Variants in MRPS28 observed in about 807,000 individuals in gnomAD.
MRPS28 encodes the protein mitochondrial ribosomal protein S28, also known as small ribosomal subunit protein bS1m.
Under a neutral mutation model 10.8 loss-of-function variants are expected in MRPS28, and 7 were observed. That is an observed-to-expected ratio of 0.65 (90% confidence interval 0.37 to 1.22). The LOEUF (loss-of-function observed/expected upper bound fraction) is 1.22, where lower values mean the gene tolerates loss of function less well. MRPS28 is among the 50% of genes most tolerant of loss of function. The probability of loss-of-function intolerance (pLI) is 0.02; values close to 1 mark genes in which losing one functional copy is unlikely to be tolerated. For synonymous variants in MRPS28, 121 were observed against 93.3 expected (o/e 1.30, Z -1.71); for missense variants, 265 against 232.9 (o/e 1.14, Z -0.90).
chr8:80,008,268 T>G (rs1425833853), intron 1 of MRPS28, among the ~76,000 whole-genome samples: 1 of 152,146 alleles, frequency 6.6e-6, no homozygotes, highest in Non-Finnish European at 1.5e-5. Context: ...ATACAAAAAT[T>G]AATTCAAGAT....
intron 1 of MRPS28, among the ~76,000 whole-genome samples, chr8:80,009,043 A>G (rs889854538): frequency 2.0e-5 from 3 of 152,368 alleles, no homozygotes; most frequent in Middle Eastern, 3.4e-3. Flanking sequence ...CATCAGTGAT[A>G]GACTGGATTA....
intron 2 of MRPS28, among the ~76,000 whole-genome samples, chr8:79,999,606 A>T (rs747574727): frequency 6.6e-6 from 1 of 152,232 alleles, no homozygotes; most frequent in African/African-American, 2.4e-5. Context: ...TAAAAACTGG[A>T]GAACATGAAA....
intron 2 of MRPS28, among the ~76,000 whole-genome samples, chr8:79,989,176 T>A (rs1233832082): frequency 6.6e-6 from 1 of 152,066 alleles, no homozygotes; most frequent in Non-Finnish European, 1.5e-5. Flanking sequence ...AAAAGTACAA[T>A]AGTTTTAAGG....
At chr8:79,930,829 CAATT>C (rs1330213002) in intron 2 of MRPS28, among the ~76,000 whole-genome samples, 1 of 152,148 alleles carries the variant, frequency 6.6e-6, no homozygotes, top group Admixed American at 6.5e-5. Flanking sequence ...TAAATATCAT[CAATT>C]GTCAAATATC....
intron 2 of MRPS28, among the ~76,000 whole-genome samples, chr8:79,948,392 T>C (rs1243237762): frequency 1.3e-5 from 2 of 152,372 alleles, no homozygotes; most frequent in Middle Eastern, 3.4e-3. Context: ...TTAGTTCTAA[T>C]AAGTTTTTGC....
At chr8:79,995,614 C>T (rs935068646) in intron 2 of MRPS28, among the ~76,000 whole-genome samples, 2 of 152,096 alleles carry the variant, frequency 1.3e-5, no homozygotes, top group Non-Finnish European at 2.9e-5. Context: ...AACAGGGAGT[C>T]GACATAGGCA....
intron 2 of MRPS28, among the ~76,000 whole-genome samples, chr8:79,997,626 AC>A (rs1808537221): frequency 6.6e-6 from 1 of 152,022 alleles, no homozygotes; most frequent in African/African-American, 2.4e-5. Context: ...AAAAAAAAAA[AC>A]CAAAGTTTTC....
chr8:79,973,938 A>G (rs907261265), intron 2 of MRPS28, among the ~76,000 whole-genome samples: 1 of 151,996 alleles, frequency 6.6e-6, no homozygotes, highest in Non-Finnish European at 1.5e-5. Context: ...TTTTTTAGAG[A>G]TAAGGGTCTT....
chr8:79,984,341 C>T (rs1235103107), intron 2 of MRPS28, among the ~76,000 whole-genome samples: 4 of 152,170 alleles, frequency 2.6e-5, no homozygotes, highest in African/African-American at 9.7e-5. Context: ...TAAAGACCAT[C>T]GAGGCTAGGA....
At chr8:79,956,877 A>G (rs988865071) in intron 2 of MRPS28, 2 of 152,174 alleles carry the variant, frequency 1.3e-5, no homozygotes, top group Non-Finnish European at 2.9e-5. Context: ...GGGTGACTAT[A>G]TATTAATGAG....
chr8:79,930,330 T>C (rs963469265), intron 2 of MRPS28, among the ~76,000 whole-genome samples: 2 of 152,252 alleles, frequency 1.3e-5, no homozygotes, highest in African/African-American at 2.4e-5. Context: ...TACTGTTTTC[T>C]GTTCCCGTGT....
intron 2 of MRPS28, among the ~76,000 whole-genome samples, chr8:79,938,676 G>A (rs973620079): frequency 2.6e-5 from 4 of 152,092 alleles, no homozygotes; most frequent in Non-Finnish European, 5.9e-5. Flanking sequence ...CAAGGTTAGA[G>A]CCAAACCAAA....
intron 2 of MRPS28, among the ~76,000 whole-genome samples, chr8:79,933,749 A>C (rs1251816575): frequency 1.3e-5 from 2 of 152,186 alleles, no homozygotes; most frequent in Non-Finnish European, 2.9e-5. Flanking sequence ...AACAGCTGAA[A>C]TTTATGTTAA....
intron 1 of MRPS28, among the ~76,000 whole-genome samples, chr8:80,011,757 A>C (rs1190646179): frequency 6.6e-6 from 1 of 152,140 alleles, no homozygotes; most frequent in East Asian, 1.9e-4. Context: ...TCAAAAAAAA[A>C]CAACAAAAAA....
chr8:79,963,513 C>T (rs1438250410), intron 2 of MRPS28, among the ~76,000 whole-genome samples: 1 of 152,048 alleles, frequency 6.6e-6, no homozygotes, highest in Non-Finnish European at 1.5e-5. Context: ...TGCATTTAGC[C>T]TATGATTACC....
intron 2 of MRPS28, among the ~76,000 whole-genome samples, chr8:79,923,593 T>C (rs1810152192): frequency 6.6e-6 from 1 of 152,208 alleles, no homozygotes; most frequent in Non-Finnish European, 1.5e-5. Context: ...AGAAATCTTG[T>C]ATTTCCTATT....
chr8:79,984,307 C>G (rs1324357985), intron 2 of MRPS28, among the ~76,000 whole-genome samples: 1 of 152,210 alleles, frequency 6.6e-6, no homozygotes, highest in Non-Finnish European at 1.5e-5. Flanking sequence ...CCAGTACTAG[C>G]TACTGCATAA....
chr8:79,950,828 A>ACAT (rs1807060114), intron 2 of MRPS28, among the ~76,000 whole-genome samples: 1 of 152,242 alleles, frequency 6.6e-6, no homozygotes, highest in Admixed American at 6.5e-5. Context: ...GAAGTCAGTC[A>ACAT]GTGTGAAGTC....
In MRPS28 at chr8:79,918,869, A is replaced by G; in HGVS notation, c.*111T>C. On this transcript the variant is annotated 3_prime_UTR_variant, in exon 3 of 3. Coordinates refer to ENST00000276585, the MANE Select transcript of MRPS28 (RefSeq NM_014018.3). ...TCTAATAAGAGTTATCTATAATTAT[A>G]GCTTTTATTTATTATATCTTCATTC... 4 of 851,754 alleles carry G rather than the reference A, an allele frequency of 4.7e-6. No individual in the cohort carries two copies. The highest frequency in any genetic ancestry group is 6.6e-6 in the Non-Finnish European group (4 of 606,670). The allele number at this position is 851,754 out of a possible 1,614,324, so 52.8% of individuals were successfully genotyped here. A position where few individuals can be genotyped will look rare whatever the true frequency, so the allele number is the denominator to read the frequency against.
Sources: gnomAD v4.1 joint callset for allele counts (sites outside exome capture counted in the v4.1 genomes callset) on GRCh38, gnomAD v4.1.1 for gene constraint, MANE v1.5 for transcripts, NCBI Gene and HGNC (gene_info 2026-07-23, HGNC 2026-07-21) for gene names.